The following SLC24A4 variants were observed in gnomAD, a reference collection of about 807,000 sequenced individuals.
SLC24A4 encodes the protein sodium/potassium/calcium exchanger 4.
A neutral mutation model predicts 79.0 loss-of-function variants in SLC24A4; 53 were observed. That is an observed-to-expected ratio of 0.67 (90% CI 0.54 to 0.84). The LOEUF (loss-of-function observed/expected upper bound fraction) is 0.84. Among genes scored for constraint, SLC24A4 ranks in the 40% least tolerant of loss-of-function variants. The pLI is 0.00. For synonymous variants in SLC24A4, 323 were observed against 323.8 expected, an observed-to-expected ratio of 1.00 and a Z score of 0.03; for missense variants, 731 against 822.0, an observed-to-expected ratio of 0.89 and a Z score of 1.35.
chr14:92,322,605 C>G (rs1884856357), upstream of SLC24A4: 1 of 152,744 alleles, frequency 6.5e-6, no homozygotes, highest in Admixed American at 6.5e-5. Context: ...CTCTGGTTCC[C>G]CTCTCTGCCC....
chr14:92,410,099 T>C (rs528315913), intron 2 of SLC24A4, among the ~76,000 whole-genome samples: 1 of 152,184 alleles, frequency 6.6e-6, no homozygotes, highest in South Asian at 2.1e-4. Flanking sequence ...AATACCTGGG[T>C]GATGAAATAG....
chr14:92,492,268 G>A lies in SLC24A4; in HGVS notation c.1716+28G>A, dbSNP rs7150406. 410,377 of 1,602,512 alleles carry A rather than the reference G, an allele frequency of 0.26. 54,273 individuals carry two copies. The highest frequency in any genetic ancestry group is 0.35 in the Admixed American group (20,691 of 59,922). On this transcript the variant is annotated intron_variant, in intron 16 of 16. Transcript: ENST00000532405. ...GAGTCTTTACAATTCCAAAACAGAT[G>A]CCTCATGCATACTTGATTTCATCTG...
intron 2 of SLC24A4, among the ~76,000 whole-genome samples, chr14:92,425,861 A>G (rs1160893073): frequency 1.3e-5 from 2 of 152,148 alleles, no homozygotes; most frequent in Admixed American, 1.3e-4. Context: ...GCACACCTGT[A>G]GTCCCAGCTG....
intron 2 of SLC24A4, among the ~76,000 whole-genome samples, chr14:92,369,526 C>T (rs1888031503): frequency 6.6e-6 from 1 of 152,108 alleles, no homozygotes; most frequent in East Asian, 1.9e-4. Context: ...TGGTTAGATC[C>T]AGAACCGGAA....
chr14:92,475,888 C>T (rs1406027074), intron 12 of SLC24A4, among the ~76,000 whole-genome samples: 1 of 152,112 alleles, frequency 6.6e-6, no homozygotes, highest in African/African-American at 2.4e-5. Context: ...TTGATTTCAC[C>T]ATCCTCTCCT....
chr14:92,478,372 C>G (rs956841900), intron 12 of SLC24A4, among the ~76,000 whole-genome samples: 7 of 152,128 alleles, frequency 4.6e-5, no homozygotes, highest in African/African-American at 1.7e-4. Context: ...ATCCAGCTGT[C>G]TCTGCACCAT....
intron 8 of SLC24A4, among the ~76,000 whole-genome samples, chr14:92,446,086 T>C (rs1892779934): frequency 6.6e-6 from 1 of 152,210 alleles, no homozygotes; most frequent in Non-Finnish European, 1.5e-5. Flanking sequence ...GTTTCCACTC[T>C]ATTTGATAGC....
intron 12 of SLC24A4, among the ~76,000 whole-genome samples, chr14:92,461,956 A>G (rs1416276076): frequency 1.3e-5 from 2 of 152,218 alleles, no homozygotes; most frequent in African/African-American, 4.8e-5. Context: ...AGCACCAGAC[A>G]CTATCCTCTG....
chr14:92,462,765 ATTG>A (rs1224133015), intron 12 of SLC24A4: 1 of 152,234 alleles, frequency 6.6e-6, no homozygotes, highest in Non-Finnish European at 1.5e-5. Context: ...GGATAATGTT[ATTG>A]TTCCCATTTC....
chr14:92,412,724 T>C (rs1424389792), intron 2 of SLC24A4, among the ~76,000 whole-genome samples: 3 of 152,108 alleles, frequency 2.0e-5, no homozygotes, highest in African/African-American at 7.2e-5. Flanking sequence ...TGTTTCCATG[T>C]TACTTCAACA....
intron 2 of SLC24A4, among the ~76,000 whole-genome samples, chr14:92,335,333 T>C (rs897706316): frequency 6.9e-6 from 1 of 145,746 alleles, no homozygotes; most frequent in Non-Finnish European, 1.5e-5. Context: ...ACACATGCCA[T>C]GTTTTTTTGT....
chr14:92,392,418 T>A (rs1436578031), intron 2 of SLC24A4, among the ~76,000 whole-genome samples: 1 of 152,010 alleles, frequency 6.6e-6, no homozygotes, highest in South Asian at 2.1e-4. Flanking sequence ...ACCTGTCACT[T>A]GCCTCGTGGA....
At chr14:92,435,558 G>A (rs1216404195) in intron 3 of SLC24A4, among the ~76,000 whole-genome samples, 2 of 152,246 alleles carry the variant, frequency 1.3e-5, no homozygotes, top group South Asian at 4.1e-4. Flanking sequence ...ATCAACCACA[G>A]CAAATTTTCC....
rs1351069086 is a variant in SLC24A4 at position 92,495,787 on chromosome 14, A to G, written c.*2159A>G. 6.6e-6 allele frequency: 1 copy of G among 152,210 alleles called. No homozygotes were observed. Among genetic ancestry groups the G allele is most frequent in the Non-Finnish European group, 1.5e-5 (1 of 68,062 alleles). The allele number at this position is 152,210 out of a possible 1,614,324, so 9.4% of individuals were successfully genotyped here. Reference sequence around the variant, plus strand: ...CCAGGCCAGCCTCTGTAAGTTGGCCACACTTGGGGAGTGAGTGTGGGTATG... The same window carrying G: ...CCAGGCCAGCCTCTGTAAGTTGGCCGCACTTGGGGAGTGAGTGTGGGTATG... On this transcript the variant is annotated 3_prime_UTR_variant, in exon 17 of 17. Coordinates refer to ENST00000532405, the MANE Select transcript of SLC24A4 (RefSeq NM_153646.4).
intron 2 of SLC24A4, among the ~76,000 whole-genome samples, chr14:92,359,183 T>TAGTCTAGTTGA (rs1887354423): frequency 1.3e-5 from 2 of 152,176 alleles, no homozygotes; most frequent in African/African-American, 4.8e-5. Flanking sequence ...CAGGCTTACC[T>TAGTCTAGTTGA]AGTCTAGTTG....
Position 92,491,645 on chromosome 14 carries a change from T to A in SLC24A4, c.1538-20T>A. The A allele has an allele frequency of 6.5e-7, 1 of 1,528,540 alleles. No homozygotes were observed. Among genetic ancestry groups the A allele is most frequent in the South Asian group, 1.1e-5 (1 of 89,236 alleles). 94.7% of individuals were successfully genotyped at this position (1,528,540 alleles called of 1,614,324 possible). A position where few individuals can be genotyped will look rare whatever the true frequency, so the allele number is the denominator to read the frequency against. ...TGGTGACCTGCTCTTATAAAATAAA[T>A]GTGTTGTTGTCCCCTGCAGGCCTTG... On this transcript the variant is annotated intron_variant, in intron 14 of 16. Transcript: ENST00000532405.
At chr14:92,334,889 GTCATCATCATCATCA>G (rs372925906) in intron 2 of SLC24A4, among the ~76,000 whole-genome samples, 11 of 151,110 alleles carry the variant, frequency 7.3e-5, no homozygotes. Context: ...CATCATCATC[GTCATCATCATCATCA>G]TCATCGTCAT....
chr14:92,442,873 C>A, intron 6 of SLC24A4, 57 bp downstream of exon 6: 1 of 1,395,934 alleles, frequency 7.2e-7, no homozygotes. Context: ...GGGGGATGAG[C>A]CTCTAATGAC....
chr14:92,430,164 C>G (rs1229159493), intron 2 of SLC24A4, among the ~76,000 whole-genome samples: 1 of 152,238 alleles, frequency 6.6e-6, no homozygotes, highest in Non-Finnish European at 1.5e-5. Flanking sequence ...CTTTGCCTTT[C>G]CCCAAAAGTC....
Sources: gnomAD v4.1 joint callset for allele counts (sites outside exome capture counted in the v4.1 genomes callset) on GRCh38, gnomAD v4.1.1 for gene constraint, MANE v1.5 for transcripts, NCBI Gene and HGNC (gene_info 2026-07-23, HGNC 2026-07-21) for gene names.